Variants in PCDHGA2 observed in about 807,000 individuals in gnomAD.
The protein encoded by PCDHGA2 is protocadherin gamma-A2.
A neutral mutation model predicts 59.2 loss-of-function variants in PCDHGA2; 40 were observed. The observed-to-expected ratio is 0.68, with a 90% CI of 0.52 to 0.88. The LOEUF (loss-of-function observed/expected upper bound fraction) is 0.88. Ranked by LOEUF, PCDHGA2 falls within the 40% of genes least tolerant of loss-of-function variation. The pLI, the probability that PCDHGA2 is intolerant of heterozygous loss-of-function variation, is 0.00. For synonymous variants in PCDHGA2, 560 were observed against 526.0 expected (o/e 1.06, Z -0.89); for missense variants, 1,226 against 1,204.0 (o/e 1.02, Z -0.27).
intron 1 of PCDHGA2, among the ~76,000 whole-genome samples, chr5:141,459,971 A>G (rs1458539493): frequency 2.6e-5 from 4 of 152,208 alleles, no homozygotes; most frequent in Non-Finnish European, 5.9e-5. Flanking sequence ...CCAGCTACTC[A>G]GGAGGCTGAG....
At chr5:141,424,682 C>A (rs1421088073) in intron 1 of PCDHGA2, 1 of 152,062 alleles carries the variant, frequency 6.6e-6, no homozygotes, top group Non-Finnish European at 1.5e-5. Flanking sequence ...AGCTAGTATC[C>A]TTCTGGCTAT....
intron 1 of PCDHGA2, chr5:141,419,344 C>T (rs2096363174): frequency 1.9e-6 from 3 of 1,613,732 alleles, no homozygotes; most frequent in Non-Finnish European, 2.5e-6. Flanking sequence ...TTGCCAGCGA[C>T]CTGGAGTCAC....
chr5:141,421,410 G>A lies in PCDHGA2; in HGVS notation c.2425-73397G>A, dbSNP rs538537555. On this transcript the variant is annotated intron_variant, in intron 1 of 3. Transcript: ENST00000394576. ...TGGGGCTGGAGCCCCGGGAGCTGGCGAAGCGCGGAGTCCGCATCGTCTCCA... is the reference window on the plus strand; with the variant it reads ...TGGGGCTGGAGCCCCGGGAGCTGGCAAAGCGCGGAGTCCGCATCGTCTCCA... The A allele has an allele frequency of 3.7e-6, 6 of 1,614,084 alleles. No homozygotes were observed. In the African/African-American group the frequency reaches 6.7e-5, roughly 18 times the overall value.
chr5:141,496,839 A>G (rs2099771783), intron 2 of PCDHGA2, among the ~76,000 whole-genome samples: 1 of 151,484 alleles, frequency 6.6e-6, no homozygotes. Flanking sequence ...CAGAACTCAT[A>G]GGCTTCCAGA....
chr5:141,351,350 C>G, intron 1 of PCDHGA2: 1 of 1,613,300 alleles, frequency 6.2e-7, no homozygotes, highest in Non-Finnish European at 8.5e-7. Context: ...TGTAATAGCC[C>G]TCATAAAAGT....
At chr5:141,371,741 T>TC (rs1767992847) in intron 1 of PCDHGA2, 2 of 1,614,004 alleles carry the variant, frequency 1.2e-6, no homozygotes, top group South Asian at 2.2e-5. Context: ...ACGACAACGT[T>TC]CCCGTTTTCC....
At chr5:141,376,216 G>A (rs1036569498) in intron 1 of PCDHGA2, 23 of 1,614,106 alleles carry the variant, frequency 1.4e-5, no homozygotes, top group Non-Finnish European at 1.9e-5. Flanking sequence ...TCATCGTGCT[G>A]CTGGCGCTCA....
chr5:141,481,736 G>A (rs569415213), intron 1 of PCDHGA2, among the ~76,000 whole-genome samples: 23 of 151,934 alleles, frequency 1.5e-4, no homozygotes, highest in African/African-American at 4.3e-4. Flanking sequence ...GGCGGATCAC[G>A]AGGTCAGGAG....
chr5:141,376,553 G>A (rs746063311), intron 1 of PCDHGA2: 3 of 1,610,808 alleles, frequency 1.9e-6, no homozygotes, highest in Admixed American at 1.7e-5. Context: ...TGATCTTCCC[G>A]CAACCCAACT....
intron 3 of PCDHGA2, among the ~76,000 whole-genome samples, chr5:141,510,166 A>G (rs1280391099): frequency 6.6e-6 from 1 of 151,872 alleles, no homozygotes; most frequent in African/African-American, 2.4e-5. Flanking sequence ...TCAGCTACTC[A>G]GGAGGTTGAG....
At position 141,340,512 on chromosome 5, in the gene PCDHGA2, T is replaced by C. The variant is rs781570825; in HGVS notation, c.1541T>C (p.Leu514Pro). Residue 514 changes from leucine to proline, a missense_variant, in exon 1 of 4, where the codon CTC becomes CCC. Leu to Pro is a moderately conservative substitution (Grantham distance 98). Coordinates refer to ENST00000394576, the MANE Select transcript of PCDHGA2 (RefSeq NM_018915.4). ...TCTATCAACTCCGACACTGGAGTACTCTATGCACTGCGCTCCTTTGATTAT... is the reference window on the plus strand; with the variant it reads ...TCTATCAACTCCGACACTGGAGTACCCTATGCACTGCGCTCCTTTGATTAT... ...YISINSDTGV[L>P]YALRSFDYEQ... 3 of 1,614,242 alleles carry C rather than the reference T, an allele frequency of 1.9e-6. No homozygotes were observed. The East Asian group carries it at 6.7e-5, about 36-fold the overall frequency.
At chr5:141,364,970 G>C in intron 1 of PCDHGA2, 2 of 1,613,914 alleles carry the variant, frequency 1.2e-6, no homozygotes, top group Non-Finnish European at 1.7e-6. Flanking sequence ...CCTCCTCACA[G>C]CTTTAGATGG....
rs1440733700 is a variant in PCDHGA2 at position 141,441,803 on chromosome 5, G to A, written c.2425-53004G>A. 249 of 383,164 alleles carry A rather than the reference G, an allele frequency of 6.5e-4. 2 individuals carry two copies. Among genetic ancestry groups the A allele is most frequent in the African/African-American group, 4.8e-3 (220 of 45,902 alleles). The allele number at this position is 383,164 out of a possible 1,614,324, so 23.7% of individuals were successfully genotyped here. The stretch of plus-strand genomic sequence containing the variant: ...ACCTGAATGACAACGCACCGCGGGT[G>A]CTGTACCCCAGCTCTGGAGCGCAAT... On this transcript the variant is annotated intron_variant, in intron 1 of 3. Coordinates refer to ENST00000394576, the MANE Select transcript of PCDHGA2 (RefSeq NM_018915.4).
chr5:141,366,134 G>A, intron 1 of PCDHGA2: 1 of 1,614,204 alleles, frequency 6.2e-7, no homozygotes, highest in Non-Finnish European at 8.5e-7. Flanking sequence ...AGGCCAGAAC[G>A]CCTGGCTGTC....
chr5:141,376,948 A>T (rs1369934638), intron 1 of PCDHGA2: 1 of 164,970 alleles, frequency 6.1e-6, no homozygotes, highest in South Asian at 1.6e-4. Context: ...CGGCCTCCCA[A>T]AGTGCTGGGA....
At chr5:141,408,936 A>T in intron 1 of PCDHGA2, 4 of 1,613,548 alleles carry the variant, frequency 2.5e-6, no homozygotes, top group Non-Finnish European at 1.7e-6. Flanking sequence ...TTCAGCAGAG[A>T]CGAATATAGA....
At chr5:141,446,621 C>T (rs1284919173) in intron 1 of PCDHGA2, among the ~76,000 whole-genome samples, 2 of 152,094 alleles carry the variant, frequency 1.3e-5, no homozygotes, top group Non-Finnish European at 2.9e-5. Flanking sequence ...GGACTACAGG[C>T]GTGCACCACC....
intron 1 of PCDHGA2, among the ~76,000 whole-genome samples, chr5:141,450,666 T>G (rs1434496607): frequency 6.6e-6 from 1 of 151,890 alleles, no homozygotes; most frequent in African/African-American, 2.4e-5. Context: ...TTTGTACTTT[T>G]AGTAGAAACG....
rs777682402 is a variant in PCDHGA2, at chr5:141,338,927, C to T, written c.-45C>T. 1 of 1,519,746 alleles carries T rather than the reference C, an allele frequency of 6.6e-7. No homozygotes were observed. Among genetic ancestry groups the T allele is most frequent in the Admixed American group, 2.2e-5 (1 of 45,606 alleles). 94.1% of individuals were successfully genotyped at this position (1,519,746 alleles called of 1,614,324 possible). ...TGAGGAATAAAGATTGGAATCCGCACTGGATGCTGGAAGTTGACTCGGAGA... is the reference window on the plus strand; with the variant it reads ...TGAGGAATAAAGATTGGAATCCGCATTGGATGCTGGAAGTTGACTCGGAGA... On this transcript the variant is annotated 5_prime_UTR_variant, in exon 1 of 4. Transcript: ENST00000394576.
Sources: allele counts gnomAD v4.1 joint callset (sites outside exome capture counted in the v4.1 genomes callset), GRCh38; gene constraint gnomAD v4.1.1; transcripts MANE v1.5; gene names NCBI Gene and HGNC (gene_info 2026-07-23, HGNC 2026-07-21).